The following TMEM135 variants were observed in gnomAD, a reference collection of about 807,000 sequenced individuals.
TMEM135 encodes transmembrane protein 135.
A neutral mutation model predicts 60.3 loss-of-function variants in TMEM135; 30 were observed. The ratio of observed to expected loss-of-function variants is 0.50; its 90% CI spans 0.37 to 0.68. The LOEUF (loss-of-function observed/expected upper bound fraction) is 0.68. TMEM135 is among the 30% of genes least tolerant of loss of function. The probability of loss-of-function intolerance (pLI) is 0.00; values close to 1 mark genes in which losing one functional copy is unlikely to be tolerated. For synonymous variants in TMEM135, 190 were observed against 186.7 expected (o/e 1.02, Z -0.14); for missense variants, 468 against 548.8 (o/e 0.85, Z 1.47).
rs374387676 is a variant in TMEM135 at position 87,068,085 on chromosome 11, A to G, written c.269+264A>G. Reference sequence around the variant, plus strand: ...TGTTATACATATTCTGAGGCCTGTTATATTTACCAAGTTGTTGAATAGGAT... The same window carrying G: ...TGTTATACATATTCTGAGGCCTGTTGTATTTACCAAGTTGTTGAATAGGAT... On this transcript the variant is annotated intron_variant, in intron 2 of 14. Transcript: ENST00000305494. 1.1e-3 allele frequency among the ~76,000 whole-genome samples: 174 copies of G among 152,308 alleles called. 8 individuals carry two copies. In the South Asian group the frequency reaches 0.034, roughly 30 times the overall value.
At chr11:87,277,780 C>T (rs112904673) in intron 6 of TMEM135, among the ~76,000 whole-genome samples, 21 of 152,088 alleles carry the variant, frequency 1.4e-4, no homozygotes, top group African/African-American at 4.6e-4. Context: ...CCTCAGCCTG[C>T]CAAAGTGTTG....
chr11:87,293,484 G>A (rs1055071748), intron 6 of TMEM135, among the ~76,000 whole-genome samples: 17 of 151,572 alleles, frequency 1.1e-4, no homozygotes, highest in Non-Finnish European at 1.5e-4. Flanking sequence ...TGCACCTATC[G>A]AGCAGTCCTC....
chr11:87,309,013 AAGTT>A (rs1261872470), intron 9 of TMEM135, among the ~76,000 whole-genome samples: 1 of 152,308 alleles, frequency 6.6e-6, no homozygotes, highest in East Asian at 1.9e-4. Context: ...ACCATTGTAA[AAGTT>A]AGCACCAAAG....
intron 3 of TMEM135, among the ~76,000 whole-genome samples, chr11:87,076,616 C>T (rs1171526441): frequency 1.3e-5 from 2 of 152,178 alleles, no homozygotes; most frequent in Non-Finnish European, 2.9e-5. Context: ...AGTCTTTTGC[C>T]ATAGCCAGCC....
chr11:87,159,694 C>T (rs927354343), intron 5 of TMEM135, among the ~76,000 whole-genome samples: 1 of 151,860 alleles, frequency 6.6e-6, no homozygotes, highest in African/African-American at 2.4e-5. Flanking sequence ...GGAGCTTACT[C>T]TCTGGTCGGG....
intron 5 of TMEM135, among the ~76,000 whole-genome samples, chr11:87,197,999 G>C (rs1178359441): frequency 6.6e-6 from 1 of 151,912 alleles, no homozygotes; most frequent in Non-Finnish European, 1.5e-5. Flanking sequence ...CTACATGTGA[G>C]TATTTCTTAC....
intron 5 of TMEM135, among the ~76,000 whole-genome samples, chr11:87,232,898 C>A (rs1940918727): frequency 6.6e-6 from 1 of 152,124 alleles, no homozygotes; most frequent in Admixed American, 6.5e-5. Context: ...TACCTGTAAT[C>A]CCAGCACTTT....
Position 87,112,990 on chromosome 11 carries a change from C to T in TMEM135, c.396+21595C>T, listed in dbSNP as rs76539724. Reference sequence around the variant, plus strand: ...CTGGAATTTTTTGCACTTTGGCGTGCAGAAAATTGGTAATTGGTTCAATAA... The same window carrying T: ...CTGGAATTTTTTGCACTTTGGCGTGTAGAAAATTGGTAATTGGTTCAATAA... On this transcript the variant is annotated intron_variant, in intron 4 of 14. Transcript: ENST00000305494. Among the ~76,000 whole-genome samples the T allele has an allele frequency of 1.1e-3, 172 of 151,974 alleles. No individual in the cohort carries two copies. In the East Asian group the frequency reaches 0.018, roughly 16 times the overall value.
At chr11:87,152,699 A>C (rs1053006718) in intron 4 of TMEM135, among the ~76,000 whole-genome samples, 1 of 152,194 alleles carries the variant, frequency 6.6e-6, no homozygotes. Flanking sequence ...TCGGCCTCCC[A>C]AGGTGCTGGG....
rs569915174 is a variant in TMEM135, at chr11:87,175,567, A to G, written c.462+18161A>G. Among the ~76,000 whole-genome samples the G allele has an allele frequency of 3.3e-5, 5 of 152,286 alleles. 1 individual carries two copies. Among genetic ancestry groups the G allele is most frequent in the African/African-American group, 1.2e-4 (5 of 41,572 alleles). ...CTCTGCTTTTGATTTAAATACAAAA[A>G]TAAATGTGTCATAATTTTGTCCTTA... is the stretch of plus-strand genomic sequence containing the variant. On this transcript the variant is annotated intron_variant, in intron 5 of 14. Transcript: ENST00000305494.
At chr11:87,309,382 TG>T (rs1942603462) in intron 9 of TMEM135, 122 bp from the exon 10 acceptor site, 2 of 920,490 alleles carry the variant, frequency 2.2e-6, no homozygotes, top group South Asian at 2.9e-5. Context: ...TTTATTTTGC[TG>T]TGCTATAAAC....
At chr11:87,179,478 C>A (rs1939461744) in intron 5 of TMEM135, among the ~76,000 whole-genome samples, 1 of 151,940 alleles carries the variant, frequency 6.6e-6, no homozygotes, top group Admixed American at 6.6e-5. Context: ...AAGATTTTCT[C>A]CTTTGTTTTT....
intron 1 of TMEM135, among the ~76,000 whole-genome samples, chr11:87,066,320 G>A (rs945320881): frequency 6.6e-6 from 1 of 152,086 alleles, no homozygotes; most frequent in African/African-American, 2.4e-5. Flanking sequence ...TCCCAGTTCA[G>A]CTCATATCCC....
Position 87,322,314 on chromosome 11 carries a change from C to G in TMEM135, c.*981C>G, listed in dbSNP as rs1942836433. The G allele has an allele frequency of 2.2e-6, 1 of 453,848 alleles. No homozygotes were observed. Among genetic ancestry groups the G allele is most frequent in the African/African-American group, 2.0e-5 (1 of 49,954 alleles). 28.1% of individuals were successfully genotyped at this position (453,848 alleles called of 1,614,324 possible). On this transcript the variant is annotated 3_prime_UTR_variant, in exon 15 of 15. Coordinates refer to ENST00000305494, the MANE Select transcript of TMEM135 (RefSeq NM_022918.4). ...AACTTATGTAATGGATGTTTTGCACCTGAAAACACTATAAAAATCCAGTGG... is the reference window on the plus strand; with the variant it reads ...AACTTATGTAATGGATGTTTTGCACGTGAAAACACTATAAAAATCCAGTGG...
At chr11:87,041,757 T>A (rs1949751960) in intron 1 of TMEM135, among the ~76,000 whole-genome samples, 1 of 152,192 alleles carries the variant, frequency 6.6e-6, no homozygotes, top group Non-Finnish European at 1.5e-5. Context: ...AAGGTATGAA[T>A]GAATAAGCAT....
intron 3 of TMEM135, among the ~76,000 whole-genome samples, chr11:87,089,635 T>C (rs371144835): frequency 6.6e-6 from 1 of 152,358 alleles, no homozygotes. Flanking sequence ...ATATATGTTT[T>C]TTCTTCATAT....
chr11:87,161,192 C>T (rs917557580), intron 5 of TMEM135, among the ~76,000 whole-genome samples: 5 of 152,182 alleles, frequency 3.3e-5, no homozygotes, highest in Admixed American at 6.5e-5. Flanking sequence ...GCCGCTGTGC[C>T]TGGCCTGGGT....
chr11:87,249,207 C>T (rs1390038835), intron 6 of TMEM135, among the ~76,000 whole-genome samples: 3 of 152,224 alleles, frequency 2.0e-5, no homozygotes, highest in Non-Finnish European at 4.4e-5. Flanking sequence ...TTCTCATTCA[C>T]TATGATACTA....
intron 5 of TMEM135, among the ~76,000 whole-genome samples, chr11:87,198,811 A>G (rs1472103125): frequency 6.6e-6 from 1 of 152,116 alleles, no homozygotes; most frequent in East Asian, 1.9e-4. Flanking sequence ...ACAACAGTTT[A>G]AAAAGATGCT....
Sources: allele counts gnomAD v4.1 joint callset (sites outside exome capture counted in the v4.1 genomes callset), GRCh38; gene constraint gnomAD v4.1.1; transcripts MANE v1.5; gene names NCBI Gene and HGNC (gene_info 2026-07-23, HGNC 2026-07-21).